Variants in ARHGEF7 observed in about 807,000 individuals in gnomAD.
ARHGEF7 encodes the protein PAK-interacting exchange factor beta.
In ARHGEF7, 33 loss-of-function variants were observed where a neutral mutation model predicts 109.8. The observed-to-expected ratio is 0.30, with a 90% confidence interval of 0.23 to 0.40. The LOEUF is 0.40. Among genes scored for constraint, ARHGEF7 ranks in the 10% least tolerant of loss-of-function variants. The pLI is 1.00. For synonymous variants in ARHGEF7, 458 were observed against 424.6 expected (o/e 1.08, Z -0.97); for missense variants, 938 against 1,098.5 (o/e 0.85, Z 2.07).
intron 4 of ARHGEF7, among the ~76,000 whole-genome samples, chr13:111,216,767 GCT>G (rs1475182454): frequency 6.6e-6 from 1 of 152,192 alleles, no homozygotes; most frequent in Non-Finnish European, 1.5e-5. Flanking sequence ...CCCTTTTCTT[GCT>G]CCTGTGCCGG....
chr13:111,122,960 T>C (rs998502881), intron 1 of ARHGEF7, among the ~76,000 whole-genome samples: 1 of 152,150 alleles, frequency 6.6e-6, no homozygotes, highest in African/African-American at 2.4e-5. Context: ...GGCCCTGGGA[T>C]ACTGTGTATA....
Position 111,244,000 on chromosome 13 carries a change from A to G in ARHGEF7, c.854+34A>G, listed in dbSNP as rs761668115. ...GATGATAAATTGCATTAACTGTAAA[A>G]TAGTCTAAACCTTAGGCTGTTCTCT... On this transcript the variant is annotated intron_variant, in intron 7 of 21. Coordinates refer to ENST00000646102, the MANE Select transcript of ARHGEF7 (RefSeq NM_001354046.2). The G allele has an allele frequency of 3.3e-6, 5 of 1,533,584 alleles. No homozygotes were observed. The East Asian group carries it at 1.1e-4, about 35-fold the overall frequency. The allele number at this position is 1,533,584 out of a possible 1,614,324, so 95.0% of individuals were successfully genotyped here.
At chr13:111,163,325 C>G (rs930440188) in intron 2 of ARHGEF7, among the ~76,000 whole-genome samples, 1 of 152,134 alleles carries the variant, frequency 6.6e-6, no homozygotes, top group Non-Finnish European at 1.5e-5. Context: ...TACCTTAGTG[C>G]CTTGCTGTAC....
rs59605175 is a variant in ARHGEF7 at position 111,123,863 on chromosome 13, C to CCCG, written c.165+8174_165+8175insGCC. Among the ~76,000 whole-genome samples, 28 of 3,948 alleles carry CCCG rather than the reference C, an allele frequency of 7.1e-3. No homozygotes were observed. The South Asian group carries it at 0.2, about 28-fold the overall frequency. The allele number at this position is 3,948 out of a possible 152,430, so 2.6% of individuals were successfully genotyped here. On this transcript the variant is annotated intron_variant, in intron 1 of 21. Transcript: ENST00000646102. ...GGCCATCGTTGGCTGGTGGGCTGCG[C>CCCG]CCCCCCCCCCCGGCCCCGCCCCCTG...
chr13:111,120,841 C>G (rs372902138), intron 1 of ARHGEF7, among the ~76,000 whole-genome samples: 6 of 152,228 alleles, frequency 3.9e-5, no homozygotes, highest in African/African-American at 1.4e-4. Context: ...ACCCTGAGGT[C>G]TGGCAGTTAG....
At chr13:111,295,446 G>A (rs971153228) in intron 19 of ARHGEF7, among the ~76,000 whole-genome samples, 3 of 152,138 alleles carry the variant, frequency 2.0e-5, no homozygotes, top group African/African-American at 4.8e-5. Flanking sequence ...AGTCACTGGC[G>A]GGTTTGTCTT....
Position 111,192,196 on chromosome 13 carries a change from C to T in ARHGEF7, c.253-13093C>T, listed in dbSNP as rs141266419. ...GCTGATGGTCCTGCAGGTTTCTCAG[C>T]GGGTGTCCAAAATTTAACTCGGGTG... On this transcript the variant is annotated intron_variant, in intron 2 of 21. Coordinates refer to ENST00000646102, the MANE Select transcript of ARHGEF7 (RefSeq NM_001354046.2). Among the ~76,000 whole-genome samples, 557 of 151,948 alleles carry T rather than the reference C, an allele frequency of 3.7e-3. 8 individuals are homozygous for T. Among genetic ancestry groups the T allele is most frequent in the African/African-American group, 0.013 (519 of 41,428 alleles).
chr13:111,247,273 C>CTTT (rs5806892), intron 8 of ARHGEF7, among the ~76,000 whole-genome samples: 1 of 146,324 alleles, frequency 6.8e-6, no homozygotes, highest in South Asian at 2.2e-4. Flanking sequence ...CATACTCATT[C>CTTT]TTTTTTTTTT....
intron 1 of ARHGEF7, among the ~76,000 whole-genome samples, chr13:111,133,812 T>TGTATATAA (rs2074944846): frequency 1.6e-5 from 1 of 62,568 alleles, no homozygotes; most frequent in African/African-American, 8.1e-5. Context: ...TATATATATA[T>TGTATATAA]ATTTATTATA....
chr13:111,266,880 C>A lies in ARHGEF7; in HGVS notation c.951-668C>A. 1 of 456,090 alleles carries A rather than the reference C, an allele frequency of 2.2e-6. No homozygotes were observed. The highest frequency in any genetic ancestry group is 1.5e-5 in the South Asian group (1 of 64,566). 28.3% of individuals were successfully genotyped at this position (456,090 alleles called of 1,614,324 possible). On this transcript the variant is annotated intron_variant, in intron 8 of 21. Coordinates refer to ENST00000646102, the MANE Select transcript of ARHGEF7 (RefSeq NM_001354046.2). The surrounding 1 kb of genome is among the most constrained non-coding windows in gnomAD (Gnocchi z 4.8). ...TGTTGTCCTTCAGAAACTCTGAGGTCTGGAGAGGTGAGCGTGTACCCCGTT... is the reference window on the plus strand; with the variant it reads ...TGTTGTCCTTCAGAAACTCTGAGGTATGGAGAGGTGAGCGTGTACCCCGTT...
Position 111,115,701 on chromosome 13 carries a change from GGCCCGCGCCCCC to G in ARHGEF7, c.165+23_165+34del, listed in dbSNP as rs780812917. 479 of 1,180,938 alleles carry G rather than the reference GGCCCGCGCCCCC, an allele frequency of 4.1e-4. No individual in the cohort carries two copies. The highest frequency in any genetic ancestry group is 1.9e-3 in the East Asian group (49 of 25,144). The allele number at this position is 1,180,938 out of a possible 1,614,324, so 73.2% of individuals were successfully genotyped here. A position where few individuals can be genotyped will look rare whatever the true frequency, so the allele number is the denominator to read the frequency against. ...CGGGACCATCGAGAAAGTAAGTCCC[GGCCCGCGCCCCC>G]GCCCGCGCCCCCCGGTCCGGCCCGC... On this transcript the variant is annotated intron_variant, in intron 1 of 21. Transcript: ENST00000646102.
chr13:111,265,145 A>AG (rs200765057), intron 8 of ARHGEF7, among the ~76,000 whole-genome samples: 165 of 150,250 alleles, frequency 1.1e-3, no homozygotes, highest in African/African-American at 4.1e-3. Context: ...AAAAAAAAAA[A>AG]AAGAAGACCC....
At chr13:111,157,400 C>T (rs1160853907) in intron 2 of ARHGEF7, among the ~76,000 whole-genome samples, 1 of 151,486 alleles carries the variant, frequency 6.6e-6, no homozygotes, top group Admixed American at 6.6e-5. Context: ...ATGATGTTGG[C>T]TGGGTGCAGT....
chr13:111,134,878 T>A (rs2153349909), intron 1 of ARHGEF7, among the ~76,000 whole-genome samples: 1 of 152,356 alleles, frequency 6.6e-6, no homozygotes, highest in South Asian at 2.1e-4. Flanking sequence ...CATGCCTATG[T>A]CCTGAATGGT....
intron 1 of ARHGEF7, among the ~76,000 whole-genome samples, chr13:111,150,791 T>C (rs1566631768): frequency 6.6e-6 from 1 of 152,164 alleles, no homozygotes. Context: ...GGACGAGAGA[T>C]GTAGTATTGG....
Position 111,275,616 on chromosome 13 carries a change from A to G in ARHGEF7, c.1357A>G (p.Ile453Val), listed in dbSNP as rs372770304. 1.9e-6 allele frequency: 3 copies of G among 1,614,100 alleles called. No homozygotes were observed. The highest frequency in any genetic ancestry group is 2.7e-5 in the African/African-American group (2 of 74,932). ...EAIRNWEGDDIKTLGNVTYMS... is the reference protein window; with the variant it reads ...EAIRNWEGDDVKTLGNVTYMS... ...CATCCGGAACTGGGAGGGCGATGAC[A>G]TTAAAACTCTGGGCAACGTCACTTA... is the stretch of plus-strand genomic sequence containing the variant. Residue 453 changes from isoleucine (I) to valine (V), a missense_variant, in exon 12 of 22, where the codon ATT becomes GTT. Ile to Val is a conservative substitution (Grantham distance 29). Transcript: ENST00000646102.
intron 2 of ARHGEF7, among the ~76,000 whole-genome samples, chr13:111,175,317 G>A (rs969804084): frequency 2.6e-5 from 4 of 152,192 alleles, no homozygotes; most frequent in Non-Finnish European, 5.9e-5. Flanking sequence ...AGAATTCCTG[G>A]CGCTGATGGA....
chr13:111,132,036 G>A (rs1469252581), intron 1 of ARHGEF7, among the ~76,000 whole-genome samples: 1 of 152,222 alleles, frequency 6.6e-6, no homozygotes, highest in Admixed American at 6.5e-5. Context: ...GCAGGGAACT[G>A]AGCGGGAGAT....
At position 111,239,317 on chromosome 13, in the gene ARHGEF7, G is replaced by GT. The variant is rs1382878048; in HGVS notation, c.760-4554dup. On this transcript the variant is annotated intron_variant, in intron 6 of 21. Coordinates refer to ENST00000646102, the MANE Select transcript of ARHGEF7 (RefSeq NM_001354046.2). This position sits in a 1 kb window ranked among gnomAD's most constrained non-coding sequence, Gnocchi z 4.3. Reference sequence around the variant, plus strand: ...TAGGTAGCATCACTCTTTCTAATCTGTAAGTGTATAAAACGGTTATGTATC... The same window carrying GT: ...TAGGTAGCATCACTCTTTCTAATCTGTTAAGTGTATAAAACGGTTATGTATC... Among the ~76,000 whole-genome samples, 14 of 152,162 alleles carry GT rather than the reference G, an allele frequency of 9.2e-5. No homozygotes were observed. The highest frequency in any genetic ancestry group is 5.9e-5 in the Non-Finnish European group (4 of 68,042).
Sources: allele counts gnomAD v4.1 joint callset (sites outside exome capture counted in the v4.1 genomes callset), GRCh38; gene constraint gnomAD v4.1.1; non-coding constraint Gnocchi (gnomAD v3.1); transcripts MANE v1.5; gene names NCBI Gene and HGNC (gene_info 2026-07-23, HGNC 2026-07-21).